Variants in SPAG17 observed in about 807,000 individuals in gnomAD.
SPAG17 encodes the protein sperm associated antigen 17, also known as sperm-associated antigen 17.
SPAG17 carries 169 observed loss-of-function variants against 273.6 expected under a neutral mutation model. The observed-to-expected ratio is 0.62, with a 90% CI of 0.55 to 0.70. The LOEUF (loss-of-function observed/expected upper bound fraction) is 0.70. Among genes scored for constraint, SPAG17 ranks in the 30% least tolerant of loss-of-function variants. The pLI is 0.00. For missense variants in SPAG17, 2,557 were observed against 2,627.8 expected, an observed-to-expected ratio of 0.97 and a Z score of 0.59; for synonymous variants, 825 against 873.2, an observed-to-expected ratio of 0.94 and a Z score of 0.97.
intron 30 of SPAG17, 39 bp from the exon 31 acceptor site, chr1:118,008,237 T>C (rs199937753): frequency 2.5e-6 from 4 of 1,607,348 alleles, no homozygotes; most frequent in East Asian, 4.5e-5. Context: ...TGATAGGATG[T>C]AGACATTGCA....
intron 32 of SPAG17, among the ~76,000 whole-genome samples, chr1:117,998,894 C>G (rs1251351756): frequency 6.6e-6 from 1 of 152,042 alleles, no homozygotes; most frequent in East Asian, 1.9e-4. Flanking sequence ...AGGCTTGATA[C>G]ATAGGTATAC....
intron 12 of SPAG17, 110 bp from the exon 13 acceptor site, chr1:118,086,182 G>C: frequency 9.4e-7 from 1 of 1,061,098 alleles, no homozygotes; most frequent in East Asian, 2.7e-5. Flanking sequence ...TTGGGAACAG[G>C]GGAAATCAAT....
At chr1:118,044,495 A>C (rs900784321) in intron 20 of SPAG17, among the ~76,000 whole-genome samples, 10 of 152,288 alleles carry the variant, frequency 6.6e-5, no homozygotes, top group Admixed American at 3.3e-4. Flanking sequence ...CAAAAAAAAA[A>C]AGATAAACTG....
intron 1 of SPAG17, among the ~76,000 whole-genome samples, chr1:118,182,243 A>T (rs1038900337): frequency 3.9e-5 from 6 of 152,210 alleles, no homozygotes. Flanking sequence ...AAAGTAGTCA[A>T]ATTTGGAGAG....
intron 3 of SPAG17, among the ~76,000 whole-genome samples, chr1:118,130,017 G>C (rs1395358697): frequency 1.3e-5 from 2 of 152,176 alleles, no homozygotes; most frequent in African/African-American, 4.8e-5. Context: ...TCTCCAGCTT[G>C]ATGTGGATGA....
At chr1:118,065,721 C>A (rs1417852203) in intron 18 of SPAG17, among the ~76,000 whole-genome samples, 1 of 151,916 alleles carries the variant, frequency 6.6e-6, no homozygotes, top group Non-Finnish European at 1.5e-5. Flanking sequence ...CTAAATTGAT[C>A]CAGAAAAATC....
intron 4 of SPAG17, among the ~76,000 whole-genome samples, chr1:118,112,975 T>C (rs539917199): frequency 8.5e-5 from 13 of 152,292 alleles, no homozygotes. Context: ...ATCAAATATG[T>C]AGTGATACCT....
In SPAG17 at chr1:118,016,090, C is replaced by A. The variant is rs1391724258; in HGVS notation, c.4162G>T (p.Val1388Phe). ...EAVQTVTPVE[V>F]HIGTWFTTTP... ...GTTGTAAACCAGGTGCCTATGTGAA[C>A]CTCCACAGGAGTTACAGTTTGAACT... Residue 1388 changes from valine (V) to phenylalanine (F), a missense_variant, in exon 29 of 49, where the codon GTT becomes TTT. Coordinates refer to ENST00000336338, the MANE Select transcript of SPAG17 (RefSeq NM_206996.4). 1.9e-6 allele frequency: 3 copies of A among 1,614,076 alleles called. No homozygotes were observed. In the South Asian group the frequency reaches 3.3e-5, roughly 18 times the overall value.
At position 118,097,783 on chromosome 1, in the gene SPAG17, C is replaced by G; in HGVS notation, c.898G>C (p.Glu300Gln). 1 of 1,608,032 alleles carries G rather than the reference C, an allele frequency of 6.2e-7. No individual in the cohort carries two copies. Among genetic ancestry groups the G allele is most frequent in the Non-Finnish European group, 8.5e-7 (1 of 1,177,940 alleles). The change falls in exon 7 of 49, where the codon GAA (glutamate) becomes CAA (glutamine). Residue 300 changes from glutamate (E) to glutamine (Q), a missense_variant. By Grantham distance (29) the Glu-to-Gln change is conservative. Coordinates refer to ENST00000336338, the MANE Select transcript of SPAG17 (RefSeq NM_206996.4). ...KELKTFWKYL[E>Q]PVLNNEKPET... is the part of the protein sequence containing the mutation. ...GGTTTCTCATTATTCAGGACTGGTT[C>G]CAAGTACTTCCAGAAAGTTTTAAGC... is the stretch of plus-strand genomic sequence containing the variant.
At chr1:118,142,329 A>C (rs888463364) in intron 3 of SPAG17, among the ~76,000 whole-genome samples, 14 of 152,190 alleles carry the variant, frequency 9.2e-5, no homozygotes, top group Admixed American at 7.9e-4. Context: ...GTGCAGGAGA[A>C]ATCAGCAGTT....
At position 118,023,331 on chromosome 1, in the gene SPAG17, G is replaced by A. The variant is rs768524307; in HGVS notation, c.4042C>T (p.Pro1348Ser). The change falls in exon 28 of 49, where the codon CCA becomes TCA. Residue 1348 changes from proline (P) to serine (S), a missense_variant. Transcript: ENST00000336338. ...TTCTTTGTGTTGGTAATCTCAGATG[G>A]TATCGTTTCTGATTTCTGCTGAGAA... Reference protein sequence around the residue: ...SISQQKSETIPSEITNTKKGK... With the variant: ...SISQQKSETISSEITNTKKGK... 1.9e-6 allele frequency: 3 copies of A among 1,611,346 alleles called. No individual in the cohort carries two copies. The highest frequency in any genetic ancestry group is 4.5e-5 in the East Asian group (2 of 44,806).
chr1:117,959,580 G>A, intron 48 of SPAG17: 2 of 1,000,988 alleles, frequency 2.0e-6, no homozygotes, highest in East Asian at 2.9e-5. Context: ...ATCAGGATGT[G>A]GTTTCCAGCT....
intron 15 of SPAG17, among the ~76,000 whole-genome samples, chr1:118,079,270 C>G (rs556655265): frequency 6.6e-6 from 1 of 151,946 alleles, no homozygotes; most frequent in Non-Finnish European, 1.5e-5. Flanking sequence ...CTCAGGTTTT[C>G]TATTTCTTCT....
rs1656111011 is a variant in SPAG17 at position 117,983,901 on chromosome 1, C to T, written c.5782G>A (p.Asp1928Asn). ...GAAGGCAGTTTTTTGGAAAGACTGTCCAGGTGATTATACTGAAAGGAAAAA... is the reference window on the plus strand; with the variant it reads ...GAAGGCAGTTTTTTGGAAAGACTGTTCAGGTGATTATACTGAAAGGAAAAA... Reference protein sequence around the residue: ...QLYQSQYNHLDSLSKKLPSFT... With the variant: ...QLYQSQYNHLNSLSKKLPSFT... Residue 1928 changes from aspartate to asparagine, a missense_variant, in exon 42 of 49, where the codon GAC becomes AAC. By Grantham distance (23) the Asp-to-Asn change is conservative. Transcript: ENST00000336338. The T allele has an allele frequency of 1.9e-6, 3 of 1,606,164 alleles. No individual in the cohort carries two copies. Among genetic ancestry groups the T allele is most frequent in the African/African-American group, 1.3e-5 (1 of 74,764 alleles).
rs771632117 is a variant in SPAG17, at chr1:118,039,388, A to C, written c.3223T>G (p.Leu1075Val). The stretch of plus-strand genomic sequence containing the variant: ...TTCACAATTTCCTTAGGGTCATTTA[A>C]ATGAATCATAAAATTGTGGTTGTCC... ...VKDNHNFMIH[L>V]NDPKEIVKKE... Residue 1075 changes from leucine (L) to valine (V), a missense_variant, in exon 23 of 49, where the codon TTA (leucine) becomes GTA (valine). By Grantham distance (32) the Leu-to-Val change is conservative. Coordinates refer to ENST00000336338, the MANE Select transcript of SPAG17 (RefSeq NM_206996.4). The C allele has an allele frequency of 1.2e-6, 2 of 1,613,480 alleles. No homozygotes were observed. The highest frequency in any genetic ancestry group is 1.7e-6 in the Non-Finnish European group (2 of 1,179,640).
chr1:117,973,452 G>C lies in SPAG17; in HGVS notation c.6114C>G (p.Ser2038=). The part of the protein sequence containing the change: ...KVKLPHYLLS[S]KPKSQPLAKV... ...TTGCAAGAGGTTGAGACTTAGGCTT[G>C]GAACTCAGCAAATAATGAGGCAACT... is the stretch of plus-strand genomic sequence containing the variant. The change falls in exon 44 of 49, where the codon TCC becomes TCG. Residue 2038 remains serine, a synonymous_variant. Coordinates refer to ENST00000336338, the MANE Select transcript of SPAG17 (RefSeq NM_206996.4). 6.2e-7 allele frequency: 1 copy of C among 1,613,760 alleles called. No homozygotes were observed. The highest frequency in any genetic ancestry group is 8.5e-7 in the Non-Finnish European group (1 of 1,179,738).
At chr1:118,108,005 A>G (rs1340773222) in intron 4 of SPAG17, among the ~76,000 whole-genome samples, 1 of 152,216 alleles carries the variant, frequency 6.6e-6, no homozygotes, top group Admixed American at 6.5e-5. Flanking sequence ...AAATATATGT[A>G]GACAATAAAA....
intron 44 of SPAG17, among the ~76,000 whole-genome samples, chr1:117,972,689 C>T (rs576487807): frequency 1.3e-4 from 19 of 151,782 alleles, no homozygotes; most frequent in East Asian, 9.6e-4. Context: ...AAATTTGAGA[C>T]GTACTGTAAT....
chr1:118,147,034 A>C (rs1177976253), intron 3 of SPAG17, among the ~76,000 whole-genome samples: 2 of 152,168 alleles, frequency 1.3e-5, no homozygotes, highest in Non-Finnish European at 2.9e-5. Flanking sequence ...CTGTCTCTCA[A>C]GAACTTCACT....
Sources: allele counts gnomAD v4.1 joint callset (sites outside exome capture counted in the v4.1 genomes callset), GRCh38; gene constraint gnomAD v4.1.1; transcripts MANE v1.5; gene names NCBI Gene and HGNC (gene_info 2026-07-23, HGNC 2026-07-21).